The following BTD variants were observed in gnomAD, a reference collection of about 807,000 sequenced individuals.
The protein encoded by BTD is biotinidase.
A neutral mutation model predicts 17.7 loss-of-function variants in BTD; 13 were observed. The observed-to-expected ratio is 0.74, with a 90% CI of 0.48 to 1.17. The LOEUF (loss-of-function observed/expected upper bound fraction) is 1.17. Among genes scored for constraint, BTD ranks in the 50% most tolerant of loss-of-function variants. The pLI is 0.00. For missense variants in BTD, 674 were observed against 650.4 expected (o/e 1.04, Z -0.39); for synonymous variants, 240 against 245.2 (o/e 0.98, Z 0.20).
At chr3:15,711,110 T>C (rs2072213381) in exon 4 of BTD, 3 of 1,035,136 alleles carry the variant, frequency 2.9e-6, no homozygotes, top group Middle Eastern at 2.5e-4. Flanking sequence ...TTGTTTTCTA[T>C]TTTCTGGCAG....
chr3:15,663,810 A>T (rs959413159), intron 3 of BTD, among the ~76,000 whole-genome samples: 4 of 151,804 alleles, frequency 2.6e-5, no homozygotes, highest in South Asian at 4.2e-4. Flanking sequence ...AATTTCATTG[A>T]TTTCTACTCT....
intron 3 of BTD, among the ~76,000 whole-genome samples, chr3:15,691,330 G>A (rs2068770498): frequency 1.3e-5 from 2 of 151,950 alleles, no homozygotes; most frequent in South Asian, 2.1e-4. Flanking sequence ...TCACCATGTT[G>A]GCCAGGATGG....
chr3:15,641,909 A>G lies in BTD; in HGVS notation c.251A>G (p.Asp84Gly). 2 of 1,601,696 alleles carry G rather than the reference A, an allele frequency of 1.2e-6. No homozygotes were observed. The highest frequency in any genetic ancestry group is 1.7e-6 in the Non-Finnish European group (2 of 1,169,434). Residue 84 changes from aspartate to glycine, a missense_variant and splice_region_variant, in exon 3 of 4, where the codon GAT (aspartate) becomes GGT (glycine). Coordinates refer to ENST00000643237, the MANE Select transcript of BTD (RefSeq NM_001370658.1). ...ATTCTTTGATGTTTTCATTTTCAGG[A>G]TGTACAGATTATAGTGTTTCCAGAA... ...EQQVMTAAQK[D>G]VQIIVFPEDG...
intron 1 of BTD, among the ~76,000 whole-genome samples, chr3:15,611,297 G>A (rs1404684736): frequency 6.6e-6 from 1 of 152,142 alleles, no homozygotes; most frequent in African/African-American, 2.4e-5. Context: ...TGGAGTTGTA[G>A]AAGTCATTTT....
chr3:15,676,041 A>ATGTG (rs1443702366), intron 3 of BTD: 1 of 1,403,260 alleles, frequency 7.1e-7, no homozygotes, highest in South Asian at 1.3e-5. Context: ...GCATGCACAT[A>ATGTG]CACATACACA....
intron 3 of BTD, among the ~76,000 whole-genome samples, chr3:15,682,502 T>A (rs1575122677): frequency 6.6e-6 from 1 of 152,166 alleles, no homozygotes; most frequent in Non-Finnish European, 1.5e-5. Flanking sequence ...CAGAGGCTAG[T>A]CTGAGGATGT....
rs540839458 is a variant in BTD at position 15,690,034 on chromosome 3, G to A, written c.400-20026G>A. On this transcript the variant is annotated intron_variant, in intron 3 of 3. Coordinates refer to the BTD transcript ENST00000672141. ...TCTGGCATACCTGCTGCATGAATAG[G>A]TGTCCTCTTCAAAATGTAATCTTTT... 10 of 1,608,572 alleles carry A rather than the reference G, an allele frequency of 6.2e-6. No individual in the cohort carries two copies. In the South Asian group the frequency reaches 8.9e-5, roughly 14 times the overall value.
chr3:15,714,543 A>AC (rs749680626), downstream of BTD: 13 of 1,491,322 alleles, frequency 8.7e-6, no homozygotes, highest in African/African-American at 1.4e-4. Context: ...AAAAAAAAAA[A>AC]AAAACCCCAA....
At chr3:15,722,493 A>G (rs2073834352), downstream of BTD, among the ~76,000 whole-genome samples, 1 of 152,154 alleles carries the variant, frequency 6.6e-6, no homozygotes, top group African/African-American at 2.4e-5. Flanking sequence ...TGTCCCTGTA[A>G]TAAACCACAA....
chr3:15,634,950 C>G (rs1013174260), intron 1 of BTD, among the ~76,000 whole-genome samples: 2 of 152,142 alleles, frequency 1.3e-5, no homozygotes, highest in African/African-American at 2.4e-5. Flanking sequence ...GTTTTGATGG[C>G]CAGGAAAGCC....
intron 3 of BTD, among the ~76,000 whole-genome samples, chr3:15,678,003 A>C (rs2067132776): frequency 6.6e-6 from 1 of 152,160 alleles, no homozygotes; most frequent in Non-Finnish European, 1.5e-5. Flanking sequence ...ACTATGTTAT[A>C]AGGCCATGGT....
intron 3 of BTD, among the ~76,000 whole-genome samples, chr3:15,663,705 T>C (rs1041089793): frequency 6.6e-6 from 1 of 152,144 alleles, no homozygotes. Context: ...TCCTTTTTTT[T>C]CCCCCTTTAG....
At chr3:15,674,212 A>AATTCAAG (rs1187493035) in intron 3 of BTD, among the ~76,000 whole-genome samples, 1 of 149,568 alleles carries the variant, frequency 6.7e-6, no homozygotes, top group Non-Finnish European at 1.5e-5. Flanking sequence ...GAAGAACCGA[A>AATTCAAG]ATTCAAGAGT....
intron 3 of BTD, among the ~76,000 whole-genome samples, chr3:15,693,659 A>G (rs2069127416): frequency 6.6e-6 from 1 of 152,052 alleles, no homozygotes; most frequent in African/African-American, 2.4e-5. Context: ...CTTTTCATCA[A>G]TAGTAAAATG....
downstream of BTD, among the ~76,000 whole-genome samples, chr3:15,655,402 G>T (rs2470532): frequency 0.45 from 69,196 of 152,100 alleles, 18,332 homozygotes; most frequent in Middle Eastern, 0.57. Context: ...ACAAAATGTG[G>T]CCCTTGTGTT....
At chr3:15,661,130 G>A (rs959809062) in intron 3 of BTD, among the ~76,000 whole-genome samples, 1 of 151,918 alleles carries the variant, frequency 6.6e-6, no homozygotes, top group Non-Finnish European at 1.5e-5. Context: ...GCCGGGCGTG[G>A]TGGTGCATGC....
chr3:15,607,481 T>C (rs1215589982), intron 1 of BTD, among the ~76,000 whole-genome samples: 1 of 152,222 alleles, frequency 6.6e-6, no homozygotes, highest in African/African-American at 2.4e-5. Context: ...GGAGACAATT[T>C]ATTCTCTAAA....
chr3:15,697,213 C>T (rs548021056), intron 3 of BTD: 3 of 152,350 alleles, frequency 2.0e-5, no homozygotes, highest in African/African-American at 2.4e-5. Context: ...CGTATGTTCT[C>T]GCTCATAAGT....
chr3:15,680,370 G>A (rs1233412540), intron 3 of BTD, among the ~76,000 whole-genome samples: 1 of 151,680 alleles, frequency 6.6e-6, no homozygotes, highest in African/African-American at 2.4e-5. Context: ...TGCCCAGCTA[G>A]CTTTTTTCGT....
Sources: allele counts gnomAD v4.1 joint callset (sites outside exome capture counted in the v4.1 genomes callset), GRCh38; gene constraint gnomAD v4.1.1; transcripts MANE v1.5; gene names NCBI Gene and HGNC (gene_info 2026-07-23, HGNC 2026-07-21).